Variants in ALG9 observed in about 807,000 individuals in gnomAD.
ALG9 encodes alpha-1,2-mannosyltransferase ALG9.
A neutral mutation model predicts 81.8 loss-of-function variants in ALG9; 55 were observed. The observed-to-expected ratio is 0.67, with a 90% CI of 0.54 to 0.84. The LOEUF is 0.84. Ranked by LOEUF, ALG9 falls within the 40% of genes least tolerant of loss-of-function variation. ALG9 has a pLI of 0.00. For missense variants in ALG9, 629 were observed against 745.0 expected, an observed-to-expected ratio of 0.84 and a Z score of 1.81; for synonymous variants, 278 against 274.3, an observed-to-expected ratio of 1.01 and a Z score of -0.13.
chr11:111,773,764 T>TA, the ALG9 span, among the ~76,000 whole-genome samples: 409 of 150,470 alleles, frequency 2.7e-3, 3 homozygotes, highest in African/African-American at 9.6e-3. Context: ...TTTGCTTTTT[T>TA]TTTTTTTTGA....
chr11:111,810,872 T>A (rs1353800758), intron 13 of ALG9, among the ~76,000 whole-genome samples: 4 of 152,258 alleles, frequency 2.6e-5, no homozygotes, highest in African/African-American at 9.6e-5. Context: ...ACACTTGATG[T>A]TGTAGGACTA....
At chr11:111,833,860 T>C (rs1344583283) in intron 13 of ALG9, among the ~76,000 whole-genome samples, 5 of 152,184 alleles carry the variant, frequency 3.3e-5, no homozygotes, top group African/African-American at 1.2e-4. Context: ...GCAGAGAATA[T>C]GGAAATATGA....
intron 5 of ALG9, 180 bp from the exon 6 acceptor site, chr11:111,857,917 G>T: frequency 1.4e-6 from 1 of 693,648 alleles, no homozygotes; most frequent in Non-Finnish European, 2.3e-6. Context: ...AAAAAATGAA[G>T]TTCAATGACT....
chr11:111,871,241 G>A, intron 1 of ALG9, 111 bp downstream of exon 1: 1 of 1,314,598 alleles, frequency 7.6e-7, no homozygotes, highest in Non-Finnish European at 9.6e-7. Flanking sequence ...CGGGCCTCCC[G>A]CGGTGAGGCC....
chr11:111,857,958 T>C (rs2137112500), intron 5 of ALG9: 2 of 482,570 alleles, frequency 4.1e-6, no homozygotes, highest in South Asian at 2.0e-5. Flanking sequence ...TTTTTTTTTT[T>C]AGACGGAGTC....
At chr11:111,789,342 C>A (rs781841218) in intron 14 of ALG9, among the ~76,000 whole-genome samples, 23 of 152,038 alleles carry the variant, frequency 1.5e-4, no homozygotes, top group Admixed American at 3.9e-4. Context: ...GCCTTCACCT[C>A]CTGAGCTCAA....
intron 8 of ALG9, among the ~76,000 whole-genome samples, chr11:111,847,348 C>G (rs1188786104): frequency 2.0e-5 from 3 of 152,240 alleles, no homozygotes; most frequent in African/African-American, 7.2e-5. Flanking sequence ...TCGTCTGAAA[C>G]TTTCCATCCA....
intron 13 of ALG9, among the ~76,000 whole-genome samples, chr11:111,826,391 T>A (rs1352945020): frequency 1.4e-5 from 2 of 145,226 alleles, no homozygotes; most frequent in African/African-American, 2.5e-5. Flanking sequence ...ATCCAGAGTT[T>A]AAAAAAAAAA....
chr11:111,838,128 T>C (rs1434962986), intron 11 of ALG9, 121 bp downstream of exon 11: 1 of 1,136,638 alleles, frequency 8.8e-7, no homozygotes, highest in Non-Finnish European at 1.3e-6. Flanking sequence ...AGTCTACAGG[T>C]TCTCTTTTTA....
At chr11:111,828,753 TCA>T (rs1555110963) in intron 13 of ALG9, 1 of 152,218 alleles carries the variant, frequency 6.6e-6, no homozygotes, top group Non-Finnish European at 1.5e-5. Flanking sequence ...ATCAAAGATT[TCA>T]CAGTGACAGC....
At chr11:111,810,029 T>C (rs1383156795) in intron 13 of ALG9, among the ~76,000 whole-genome samples, 3 of 152,168 alleles carry the variant, frequency 2.0e-5, no homozygotes, top group African/African-American at 7.2e-5. Flanking sequence ...TCTAGTCCCA[T>C]AAACACTTCC....
chr11:111,808,390 T>A (rs1437214098), intron 14 of ALG9, among the ~76,000 whole-genome samples: 1 of 152,212 alleles, frequency 6.6e-6, no homozygotes, highest in Non-Finnish European at 1.5e-5. Context: ...CTCACTTCTA[T>A]GACCAAGCTA....
rs977468332 is a variant in ALG9 at position 111,857,081 on chromosome 11, T to C, written c.701+521A>G. Among the ~76,000 whole-genome samples the C allele has an allele frequency of 4.6e-5, 7 of 152,252 alleles. No homozygotes were observed. In the East Asian group the frequency reaches 1.2e-3, roughly 25 times the overall value. On this transcript the variant is annotated intron_variant, in intron 6 of 14. Coordinates refer to ENST00000616540, the MANE Select transcript of ALG9 (RefSeq NM_024740.2). ...AACATCGTGCCATTGCACTCCAGCC[T>C]GGGCAACAAGAGTGAAACTCCGTCT... is the stretch of plus-strand genomic sequence containing the variant.
chr11:111,824,786 T>C (rs1054737267), intron 13 of ALG9, among the ~76,000 whole-genome samples: 6 of 152,200 alleles, frequency 3.9e-5, no homozygotes, highest in African/African-American at 4.8e-5. Context: ...ATAAATTCAA[T>C]AGATAAAGTT....
intron 4 of ALG9, 52 bp downstream of exon 4, chr11:111,865,129 G>A: frequency 1.5e-6 from 2 of 1,342,542 alleles, no homozygotes; most frequent in Admixed American, 2.4e-5. Context: ...GATAATCTAT[G>A]CAATAATGGG....
chr11:111,822,171 C>A (rs1952505908), intron 13 of ALG9, among the ~76,000 whole-genome samples: 2 of 151,994 alleles, frequency 1.3e-5, no homozygotes, highest in African/African-American at 4.8e-5. Context: ...CTTTGGGAGG[C>A]CAAGGTGGGC....
chr11:111,844,158 CCAT>C (rs1479930760), intron 9 of ALG9, among the ~76,000 whole-genome samples: 1 of 152,234 alleles, frequency 6.6e-6, no homozygotes, highest in Non-Finnish European at 1.5e-5. Flanking sequence ...GCATCCACCA[CCAT>C]GTCTGGCTAA....
intron 14 of ALG9, among the ~76,000 whole-genome samples, chr11:111,792,334 A>T (rs1947565604): frequency 6.6e-6 from 1 of 152,204 alleles, no homozygotes; most frequent in Non-Finnish European, 1.5e-5. Context: ...TGAAAAACAA[A>T]TGTTGGATGG....
At chr11:111,799,714 A>T (rs1199540752) in intron 14 of ALG9, among the ~76,000 whole-genome samples, 3 of 152,200 alleles carry the variant, frequency 2.0e-5, no homozygotes, top group Non-Finnish European at 4.4e-5. Flanking sequence ...CAAGATGACC[A>T]TATATTTCAA....
Sources: gnomAD v4.1 joint callset for allele counts (sites outside exome capture counted in the v4.1 genomes callset) on GRCh38, gnomAD v4.1.1 for gene constraint, MANE v1.5 for transcripts, NCBI Gene and HGNC (gene_info 2026-07-23, HGNC 2026-07-21) for gene names.